The following NUP153 variants were observed in gnomAD, a reference collection of about 807,000 sequenced individuals.
NUP153 encodes the protein nuclear pore complex protein Nup153.
A neutral mutation model predicts 134.6 loss-of-function variants in NUP153; 27 were observed. The observed-to-expected ratio is 0.20, with a 90% CI of 0.15 to 0.28. The LOEUF (loss-of-function observed/expected upper bound fraction) is 0.28, where lower values mean the gene tolerates loss of function less well. Ranked by LOEUF, NUP153 falls within the 10% of genes least tolerant of loss-of-function variation. The pLI, the probability that NUP153 is intolerant of heterozygous loss-of-function variation, is 1.00. For missense variants in NUP153, 1,821 were observed against 1,731.3 expected (o/e 1.05, Z -0.92); for synonymous variants, 640 against 623.5 (o/e 1.03, Z -0.40).
chr6:17,646,920 T>TTC (rs1554139552), intron 13 of NUP153, among the ~76,000 whole-genome samples: 2 of 142,700 alleles, frequency 1.4e-5, no homozygotes, highest in African/African-American at 5.4e-5. Context: ...TGTATTTTCT[T>TTC]TTTTTTTTTT....
chr6:17,646,303 G>A (rs1448220299), intron 13 of NUP153, 149 bp from the exon 14 acceptor site: 7 of 449,230 alleles, frequency 1.6e-5, no homozygotes, highest in Non-Finnish European at 2.8e-5. Flanking sequence ...CGCCTCCCGG[G>A]TTCACGCCAT....
At chr6:17,642,736 T>A (rs1373543563) in intron 14 of NUP153, among the ~76,000 whole-genome samples, 1 of 152,170 alleles carries the variant, frequency 6.6e-6, no homozygotes, top group Non-Finnish European at 1.5e-5. Flanking sequence ...CACATACACA[T>A]ATGTTCACAG....
At chr6:17,630,400 T>C (rs148993544) in intron 17 of NUP153, among the ~76,000 whole-genome samples, 2,959 of 152,220 alleles carry the variant, frequency 0.019, 96 homozygotes, top group African/African-American at 0.067. Context: ...TAGCTCACGC[T>C]TGGAATCCCA....
chr6:17,641,002 G>A (rs1264485674), intron 14 of NUP153, among the ~76,000 whole-genome samples: 1 of 152,088 alleles, frequency 6.6e-6, no homozygotes, highest in East Asian at 1.9e-4. Context: ...AAAGAGTAAT[G>A]GTAGCTGCTA....
Position 17,688,455 on chromosome 6 carries a change from T to A in NUP153, c.275A>T (p.Glu92Val). ...KEDHLVYADE[E>V]SSNITDGRIT... The stretch of plus-strand genomic sequence containing the variant: ...TCTCCCATCAGTAATATTAGAGCTC[T>A]CCTCATCGGCATATACCAGATGGTC... Residue 92 changes from glutamate to valine, a missense_variant, in exon 2 of 22, where the codon GAG becomes GTG. Physicochemically the swap from Glu to Val is moderately radical, Grantham distance 121. Transcript: ENST00000262077. 6.2e-7 allele frequency: 1 copy of A among 1,614,152 alleles called. No homozygotes were observed.
chr6:17,632,605 A>G, intron 17 of NUP153, 45 bp downstream of exon 17: 1 of 1,485,456 alleles, frequency 6.7e-7, no homozygotes. Context: ...GGCCTTACAA[A>G]AAGGCGCTTT....
intron 5 of NUP153, among the ~76,000 whole-genome samples, chr6:17,673,772 C>T (rs1768053932): frequency 6.6e-6 from 1 of 152,146 alleles, no homozygotes; most frequent in South Asian, 2.1e-4. Context: ...AACCTGGTAC[C>T]AGCCACTCTG....
intron 5 of NUP153, among the ~76,000 whole-genome samples, chr6:17,674,476 T>C (rs1239022779): frequency 6.6e-6 from 1 of 152,048 alleles, no homozygotes; most frequent in African/African-American, 2.4e-5. Context: ...CAATATTAAA[T>C]CAAAACTACT....
chr6:17,672,456 G>C (rs1767973387), intron 5 of NUP153, among the ~76,000 whole-genome samples: 1 of 151,880 alleles, frequency 6.6e-6, no homozygotes, highest in African/African-American at 2.4e-5. Flanking sequence ...CACGCCTGTG[G>C]TCCCAGCTAC....
At chr6:17,662,610 A>G (rs1410302959) in intron 9 of NUP153, among the ~76,000 whole-genome samples, 2 of 152,230 alleles carry the variant, frequency 1.3e-5, no homozygotes, top group Non-Finnish European at 2.9e-5. Flanking sequence ...TGAAAAGAAT[A>G]TAATTGGGAA....
At chr6:17,691,139 C>T (rs555119149) in intron 1 of NUP153, among the ~76,000 whole-genome samples, 1 of 152,146 alleles carries the variant, frequency 6.6e-6, no homozygotes, top group Middle Eastern at 3.4e-3. Flanking sequence ...AAAAGCGAGA[C>T]TCCGTCTCAA....
At chr6:17,658,348 A>G (rs1452803505) in intron 11 of NUP153, among the ~76,000 whole-genome samples, 2 of 152,230 alleles carry the variant, frequency 1.3e-5, no homozygotes, top group African/African-American at 4.8e-5. Flanking sequence ...GTGAGCTGAG[A>G]TCATGCTACT....
rs1449814783 is a variant in NUP153 at position 17,647,869 on chromosome 6, T to C, written c.1570A>G (p.Met524Val). The C allele has an allele frequency of 1.9e-6, 3 of 1,613,576 alleles. No homozygotes were observed. The highest frequency in any genetic ancestry group is 2.2e-5 in the South Asian group (2 of 91,062). The change falls in exon 13 of 22, where the codon ATG (methionine) becomes GTG (valine). Residue 524 changes from methionine to valine, a missense_variant. Transcript: ENST00000262077. Reference sequence around the variant, plus strand: ...ACGATTGGAGATGAAAATTTAAACATGGGACTGCCAGTGCTGCTCGGAGAG... The same window carrying C: ...ACGATTGGAGATGAAAATTTAAACACGGGACTGCCAGTGCTGCTCGGAGAG... ...MTSPSSTGSP[M>V]FKFSSPIVKS...
At chr6:17,704,914 C>T (rs1238165059) in intron 1 of NUP153, among the ~76,000 whole-genome samples, 1 of 152,132 alleles carries the variant, frequency 6.6e-6, no homozygotes, top group Non-Finnish European at 1.5e-5. Flanking sequence ...CGCCTGCCAC[C>T]ACGCCCGGCT....
chr6:17,669,224 G>A (rs1378914097), intron 7 of NUP153, 69 bp downstream of exon 7: 4 of 1,340,700 alleles, frequency 3.0e-6, no homozygotes, highest in African/African-American at 2.9e-5. Context: ...GACTACAGGT[G>A]TGCACCACCA....
intron 2 of NUP153, among the ~76,000 whole-genome samples, chr6:17,681,862 T>C (rs1768599502): frequency 6.6e-6 from 1 of 152,040 alleles, no homozygotes; most frequent in Non-Finnish European, 1.5e-5. Context: ...TTTCTAACTC[T>C]TGGCAGACAT....
rs1765076988 is a variant in NUP153, at chr6:17,628,759, G to A, written c.3440C>T (p.Ser1147Leu). 2 of 1,614,112 alleles carry A rather than the reference G, an allele frequency of 1.2e-6. No homozygotes were observed. Among genetic ancestry groups the A allele is most frequent in the Non-Finnish European group, 1.7e-6 (2 of 1,179,994 alleles). The change falls in exon 18 of 22, where the codon TCA (serine) becomes TTA (leucine). Residue 1147 changes from serine to leucine, a missense_variant. Coordinates refer to ENST00000262077, the MANE Select transcript of NUP153 (RefSeq NM_005124.4). This position sits in a 1 kb window ranked among gnomAD's most constrained non-coding sequence, Gnocchi z 5.4. ...CATACTAAAACTAAATGTGGACTTT[G>A]AAGAATTCTCATCTTTGGTTTGCTC... ...NSEQTKDENSSKSTFSFSMTK... is the reference protein window; with the variant it reads ...NSEQTKDENSLKSTFSFSMTK...
At chr6:17,678,862 C>T (rs1286575028) in intron 2 of NUP153, among the ~76,000 whole-genome samples, 3 of 151,680 alleles carry the variant, frequency 2.0e-5, no homozygotes, top group African/African-American at 7.3e-5. Context: ...GGGAGGATCA[C>T]TTGAGCCCAG....
Position 17,706,359 on chromosome 6 carries a change from C to G in NUP153, c.29G>C (p.Gly10Ala). MASGAGGVG[G>A]GGGGKIRTRR... ...CGTCCGGATCTTGCCGCCACCGCCC[C>G]CTCCGACTCCTCCGGCTCCCGAGGC... Residue 10 changes from glycine (G) to alanine (A), a missense_variant, in exon 1 of 22, where the codon GGG becomes GCG. Transcript: ENST00000262077. This position sits in a 1 kb window ranked among gnomAD's most constrained non-coding sequence, Gnocchi z 5.9. 1 of 1,612,870 alleles carries G rather than the reference C, an allele frequency of 6.2e-7. No homozygotes were observed. Among genetic ancestry groups the G allele is most frequent in the East Asian group, 2.2e-5 (1 of 44,844 alleles).
Sources: allele counts gnomAD v4.1 joint callset (sites outside exome capture counted in the v4.1 genomes callset), GRCh38; gene constraint gnomAD v4.1.1; non-coding constraint Gnocchi (gnomAD v3.1); transcripts MANE v1.5; gene names NCBI Gene and HGNC (gene_info 2026-07-23, HGNC 2026-07-21).